MYB: variants seen among roughly 807,000 people sequenced by gnomAD.
MYB encodes the protein MYB proto-oncogene, transcription factor, also known as transcriptional activator Myb.
MYB carries 28 observed loss-of-function variants against 92.9 expected under a neutral mutation model. That is an observed-to-expected ratio of 0.30 (90% CI 0.22 to 0.41). The LOEUF is 0.41. MYB is among the 10% of genes least tolerant of loss of function. The pLI, the probability that MYB is intolerant of heterozygous loss-of-function variation, is 1.00. For synonymous variants in MYB, 295 were observed against 329.1 expected, an observed-to-expected ratio of 0.90 and a Z score of 1.12; for missense variants, 679 against 929.3, an observed-to-expected ratio of 0.73 and a Z score of 3.50.
intron 8 of MYB, chr6:135,195,220 T>C (rs1777139567): frequency 1.7e-6 from 1 of 584,466 alleles, no homozygotes; most frequent in Non-Finnish European, 2.5e-6. Context: ...AGGAGACTTC[T>C]GTTAATTTGC....
At chr6:135,200,482 T>A (rs1359265158) in intron 13 of MYB, 67 bp downstream of exon 13, 1 of 1,602,834 alleles carries the variant, frequency 6.2e-7, no homozygotes, top group Non-Finnish European at 8.5e-7. Flanking sequence ...TGTGTGCAGC[T>A]TGATGTGTCT....
At chr6:135,188,440 A>G (rs117119839) in intron 3 of MYB, among the ~76,000 whole-genome samples, 1,806 of 149,834 alleles carry the variant, frequency 0.012, 24 homozygotes, top group South Asian at 0.021. Flanking sequence ...CATTTGGACT[A>G]TCATATAACT....
At chr6:135,203,705 T>C in intron 15 of MYB, 2 of 1,410,644 alleles carry the variant, frequency 1.4e-6, no homozygotes, top group Non-Finnish European at 1.9e-6. Context: ...TTTTTTATGC[T>C]GTATCCCTAG....
intron 1 of MYB, among the ~76,000 whole-genome samples, chr6:135,185,203 A>T (rs556775760): frequency 1.3e-5 from 2 of 152,234 alleles, no homozygotes; most frequent in African/African-American, 4.8e-5. Context: ...CTAGAAACTA[A>T]GTATTGTAAA....
chr6:135,194,594 G>T, intron 8 of MYB, 134 bp downstream of exon 8: 1 of 651,060 alleles, frequency 1.5e-6, no homozygotes, highest in Non-Finnish European at 2.6e-6. Flanking sequence ...ACAAGAAGTT[G>T]CTTGTAGTAA....
chr6:135,201,832 G>C lies in MYB; in HGVS notation c.2061+83G>C. ...CCTGTGTGTGGCATAGGGCTGCTGC[G>C]GTTTCAGCACTCCCTCTTTAACACA... On this transcript the variant is annotated intron_variant, in intron 14 of 15. Transcript: ENST00000341911. 4.5e-6 allele frequency: 3 copies of C among 667,040 alleles called. No individual in the cohort carries two copies. In the Middle Eastern group the frequency reaches 1.0e-3, roughly 222 times the overall value. The allele number at this position is 667,040 out of a possible 1,614,324, so 41.3% of individuals were successfully genotyped here. A position where few individuals can be genotyped will look rare whatever the true frequency, so the allele number is the denominator to read the frequency against.
chr6:135,192,994 T>C (rs1172615725), intron 6 of MYB, among the ~76,000 whole-genome samples: 1 of 152,224 alleles, frequency 6.6e-6, no homozygotes. Context: ...AGTTTGACAC[T>C]GAAATTCAGT....
rs1180983669 is a variant in MYB at position 135,218,497 on chromosome 6, C to G, written c.*517C>G. 3.8e-5 allele frequency: 7 copies of G among 184,280 alleles called. No homozygotes were observed. In the Admixed American group the frequency reaches 4.4e-4, roughly 11 times the overall value. The allele number at this position is 184,280 out of a possible 1,614,324, so 11.4% of individuals were successfully genotyped here. A position where few individuals can be genotyped will look rare whatever the true frequency, so the allele number is the denominator to read the frequency against. On this transcript the variant is annotated 3_prime_UTR_variant, in exon 16 of 16. Coordinates refer to ENST00000341911, the MANE Select transcript of MYB (RefSeq NM_001130173.2). ...TTTATGGTTAATGACATTGAAGGTACATTTATTGTACCAAACCATTTTATG... is the reference window on the plus strand; with the variant it reads ...TTTATGGTTAATGACATTGAAGGTAGATTTATTGTACCAAACCATTTTATG...
chr6:135,205,743 T>G (rs1778775992), intron 15 of MYB, among the ~76,000 whole-genome samples: 1 of 152,184 alleles, frequency 6.6e-6, no homozygotes, highest in African/African-American at 2.4e-5. Flanking sequence ...ACCATATAGT[T>G]TACTGGTTTA....
chr6:135,192,720 T>C (rs1776773108), intron 6 of MYB, among the ~76,000 whole-genome samples, 162 bp downstream of exon 6: 1 of 152,146 alleles, frequency 6.6e-6, no homozygotes, highest in African/African-American at 2.4e-5. Flanking sequence ...GTAGGTATGG[T>C]GTGTTACCCC....
intron 15 of MYB, among the ~76,000 whole-genome samples, chr6:135,206,354 T>C (rs1778919726): frequency 6.6e-6 from 1 of 151,486 alleles, no homozygotes; most frequent in Non-Finnish European, 1.5e-5. Context: ...GCTATGATTA[T>C]ACCCCTGCAC....
Position 135,190,240 on chromosome 6 carries a change from A to G in MYB, c.420A>G (p.Pro140=). ...CRERWHNHLN[P]EVKKTSWTEE... is the part of the protein sequence containing the mutation. The stretch of plus-strand genomic sequence containing the variant: ...AGAGGTGGCATAACCACTTGAATCC[A>G]GAAGTTAAGAAAACCTCCTGGACAG... The change falls in exon 5 of 16, where the codon CCA becomes CCG. Residue 140 remains proline (P), a synonymous_variant. Coordinates refer to ENST00000341911, the MANE Select transcript of MYB (RefSeq NM_001130173.2). The surrounding 1 kb of genome is among the most constrained non-coding windows in gnomAD (Gnocchi z 4.5). 6.2e-7 allele frequency: 1 copy of G among 1,614,222 alleles called. No individual in the cohort carries two copies. Among genetic ancestry groups the G allele is most frequent in the Non-Finnish European group, 8.5e-7 (1 of 1,180,012 alleles).
chr6:135,204,949 C>G (rs1778662735), intron 15 of MYB, among the ~76,000 whole-genome samples: 2 of 152,204 alleles, frequency 1.3e-5, no homozygotes, highest in Admixed American at 1.3e-4. Context: ...CTCTACTAAT[C>G]CCAGCTACTC....
At chr6:135,195,201 C>A in intron 8 of MYB, 2 of 763,350 alleles carry the variant, frequency 2.6e-6, no homozygotes, top group Non-Finnish European at 3.6e-6. Context: ...GTTGTGTGGT[C>A]ATACTGTAAG....
At chr6:135,191,517 G>T (rs1035297627) in intron 5 of MYB, among the ~76,000 whole-genome samples, 1 of 152,136 alleles carries the variant, frequency 6.6e-6, no homozygotes, top group African/African-American at 2.4e-5. Context: ...GGTAAAAAAA[G>T]GCCTTTCCTC....
At position 135,187,904 on chromosome 6, in the gene MYB, C is replaced by A. The variant is rs762033472; in HGVS notation, c.212C>A (p.Pro71Gln). The change falls in exon 3 of 16, where the codon CCG becomes CAG. Residue 71 changes from proline to glutamine, a missense_variant and splice_region_variant. Coordinates refer to ENST00000341911, the MANE Select transcript of MYB (RefSeq NM_001130173.2). ...TGGAAAGTTATTGCCAATTATCTCC[C>A]GGTAAGTTAGTAAGTTTTTCTTATA... is the stretch of plus-strand genomic sequence containing the variant. Reference protein sequence around the residue: ...DDWKVIANYLPNRTDVQCQHR... With the variant: ...DDWKVIANYLQNRTDVQCQHR... 1.9e-6 allele frequency: 3 copies of A among 1,604,332 alleles called. No homozygotes were observed. In the African/African-American group the frequency reaches 4.0e-5, roughly 21 times the overall value.
rs143010463 is a variant in MYB, at chr6:135,199,018, C to A, written c.1677C>A (p.Asp559Glu). Residue 559 changes from aspartate to glutamate, a missense_variant, in exon 11 of 16, where the codon GAC (aspartate) becomes GAA (glutamate). Asp to Glu is a conservative substitution (Grantham distance 45). Transcript: ENST00000341911. The stretch of plus-strand genomic sequence containing the variant: ...CTGTTACAACACCATTTCATAGAGA[C>A]CAGACTGTGAAAACTCAAAAGGAAA... ...KLTVTTPFHR[D>E]QTVKTQKENT... 657 of 1,607,518 alleles carry A rather than the reference C, an allele frequency of 4.1e-4. No homozygotes were observed. Among genetic ancestry groups the A allele is most frequent in the Non-Finnish European group, 5.1e-4 (598 of 1,177,140 alleles).
At chr6:135,204,981 C>T (rs916721155) in intron 15 of MYB, among the ~76,000 whole-genome samples, 4 of 152,096 alleles carry the variant, frequency 2.6e-5, no homozygotes, top group East Asian at 1.9e-4. Flanking sequence ...ACAGGAGGAT[C>T]GCTTGAACCC....
intron 15 of MYB, among the ~76,000 whole-genome samples, chr6:135,208,231 A>G (rs1779243508): frequency 6.7e-6 from 1 of 150,162 alleles, no homozygotes; most frequent in Non-Finnish European, 1.5e-5. Context: ...GGCGCTTGTC[A>G]CCATGCTAGC....
Sources: allele counts gnomAD v4.1 joint callset (sites outside exome capture counted in the v4.1 genomes callset), GRCh38; gene constraint gnomAD v4.1.1; non-coding constraint Gnocchi (gnomAD v3.1); transcripts MANE v1.5; gene names NCBI Gene and HGNC (gene_info 2026-07-23, HGNC 2026-07-21).